The following NT5DC1 variants were observed in gnomAD, a reference collection of about 807,000 sequenced individuals.
NT5DC1 encodes the protein 5'-nucleotidase domain-containing protein 1.
Under a neutral mutation model 59.4 loss-of-function variants are expected in NT5DC1, and 42 were observed. The observed-to-expected ratio is 0.71, with a 90% CI of 0.55 to 0.92. The LOEUF (loss-of-function observed/expected upper bound fraction) is 0.92. NT5DC1 is among the 40% of genes least tolerant of loss of function. NT5DC1 has a pLI of 0.00. For missense variants in NT5DC1, 501 were observed against 537.1 expected (o/e 0.93, Z 0.66); for synonymous variants, 172 against 188.1 (o/e 0.91, Z 0.70).
Position 116,178,052 on chromosome 6 carries a change from AGTGTGTGT to A in NT5DC1, c.530-42972_530-42965del, listed in dbSNP as rs61085607. Among the ~76,000 whole-genome samples the A allele has an allele frequency of 8.2e-3, 1,114 of 136,410 alleles. 11 individuals are homozygous for A. Among genetic ancestry groups the A allele is most frequent in the Admixed American group, 0.015 (205 of 13,898 alleles). The allele number at this position is 136,410 out of a possible 152,430, so 89.5% of individuals were successfully genotyped here. On this transcript the variant is annotated intron_variant, in intron 6 of 11. Transcript: ENST00000319550. ...GCTTTCATAACTTTACAAAGAGGAAAGTGTGTGTGTGTGTGTGTGTGTGTGTGTGTGTG... is the reference window on the plus strand; with the variant it reads ...GCTTTCATAACTTTACAAAGAGGAAAGTGTGTGTGTGTGTGTGTGTGTGTG...
intron 6 of NT5DC1, among the ~76,000 whole-genome samples, chr6:116,165,076 G>A (rs1360391158): frequency 3.0e-5 from 4 of 134,022 alleles, no homozygotes; most frequent in Admixed American, 8.2e-5. Context: ...CAGTCTAGGC[G>A]ACAGAGCGAG....
intron 6 of NT5DC1, chr6:116,119,902 G>C (rs902852448): frequency 1.5e-6 from 1 of 649,710 alleles, no homozygotes; most frequent in Non-Finnish European, 2.7e-6. Context: ...ACGTTTTTAC[G>C]TTGCTGCTCA....
intron 6 of NT5DC1, among the ~76,000 whole-genome samples, chr6:116,181,083 A>AC (rs1780862076): frequency 6.6e-6 from 1 of 152,052 alleles, no homozygotes; most frequent in African/African-American, 2.4e-5. Context: ...AGACAACCTA[A>AC]CAGAGGTACA....
intron 6 of NT5DC1, among the ~76,000 whole-genome samples, chr6:116,171,277 A>G (rs1780600882): frequency 6.6e-6 from 1 of 152,232 alleles, no homozygotes; most frequent in Non-Finnish European, 1.5e-5. Flanking sequence ...TACGAAGAAT[A>G]CACATTATAA....
intron 6 of NT5DC1, among the ~76,000 whole-genome samples, chr6:116,147,964 G>A (rs1267592838): frequency 6.6e-6 from 1 of 150,712 alleles, no homozygotes; most frequent in African/African-American, 2.4e-5. Context: ...CCAGCCTGGC[G>A]ACAGAGCGAG....
intron 3 of NT5DC1, among the ~76,000 whole-genome samples, chr6:116,110,016 A>G (rs1160266471): frequency 6.6e-6 from 1 of 152,166 alleles, no homozygotes; most frequent in Admixed American, 6.5e-5. Context: ...GTCTTTTCCA[A>G]TGATAAGGTT....
chr6:116,140,995 A>G (rs533097250), intron 6 of NT5DC1, among the ~76,000 whole-genome samples: 307 of 152,244 alleles, frequency 2.0e-3, no homozygotes, highest in African/African-American at 7.0e-3. Context: ...TATATTAACT[A>G]TGTATATTTT....
At chr6:116,238,890 C>A in intron 10 of NT5DC1, 65 bp from the exon 11 acceptor site, 1 of 1,058,720 alleles carries the variant, frequency 9.4e-7, no homozygotes, top group Non-Finnish European at 1.4e-6. Flanking sequence ...ACTTAATAGA[C>A]AAAAAAATTA....
intron 6 of NT5DC1, chr6:116,118,215 T>A (rs1333625253): frequency 2.4e-6 from 1 of 422,992 alleles, no homozygotes; most frequent in African/African-American, 2.1e-5. Flanking sequence ...TTCCCTAGAA[T>A]TGAAGTCCAG....
intron 8 of NT5DC1, among the ~76,000 whole-genome samples, chr6:116,227,974 T>C (rs1184478803): frequency 6.6e-6 from 1 of 152,242 alleles, no homozygotes; most frequent in African/African-American, 2.4e-5. Context: ...TAATCTCATT[T>C]ATCTATTTTT....
At chr6:116,223,187 G>T in intron 8 of NT5DC1, 56 bp downstream of exon 8, 1 of 871,236 alleles carries the variant, frequency 1.1e-6, no homozygotes, top group Non-Finnish European at 1.9e-6. Context: ...ACAACCTTGT[G>T]CAGAACACTG....
At chr6:116,127,821 G>C (rs1779360349) in intron 6 of NT5DC1, among the ~76,000 whole-genome samples, 1 of 152,150 alleles carries the variant, frequency 6.6e-6, no homozygotes, top group African/African-American at 2.4e-5. Context: ...ACGTTCAGAA[G>C]ACTAATTCTC....
chr6:116,230,444 A>C (rs1412649485), intron 8 of NT5DC1, among the ~76,000 whole-genome samples: 1 of 152,194 alleles, frequency 6.6e-6, no homozygotes, highest in African/African-American at 2.4e-5. Context: ...TGTTCTCGCT[A>C]TTCTGTCAAC....
chr6:116,148,258 G>C (rs1167310373), intron 6 of NT5DC1, among the ~76,000 whole-genome samples: 1 of 152,118 alleles, frequency 6.6e-6, no homozygotes, highest in Non-Finnish European at 1.5e-5. Flanking sequence ...TTGTATGCCA[G>C]CCTTTACATT....
rs751232489 is a variant in NT5DC1, at chr6:116,238,232, C to T, written c.967C>T (p.Arg323Cys). 11 of 1,611,524 alleles carry T rather than the reference C, an allele frequency of 6.8e-6. No individual in the cohort carries two copies. The East Asian group carries it at 1.3e-4, about 20-fold the overall frequency. ...DSMHSDIFPA[R>C]HYSNWETVLI... ...CATGCATTCAGATATTTTCCCAGCT[C>T]GTCACTATAGTAATTGGGAGACAGT... The change falls in exon 10 of 12, where the codon CGT becomes TGT. Residue 323 changes from arginine (R) to cysteine (C), a missense_variant. Physicochemically the swap from Arg to Cys is radical, Grantham distance 180 (BLOSUM62 -3). Transcript: ENST00000319550.
At chr6:116,169,888 G>A (rs1780566852) in intron 6 of NT5DC1, among the ~76,000 whole-genome samples, 1 of 152,186 alleles carries the variant, frequency 6.6e-6, no homozygotes, top group African/African-American at 2.4e-5. Context: ...ATAGTTCTTA[G>A]GGCAGAAGAG....
chr6:116,200,192 T>C (rs953163663), intron 6 of NT5DC1, among the ~76,000 whole-genome samples: 3 of 151,924 alleles, frequency 2.0e-5, no homozygotes, highest in African/African-American at 4.8e-5. Flanking sequence ...CAAATCCCAA[T>C]TGAAGGACAT....
chr6:116,101,556 A>C (rs762260053), intron 1 of NT5DC1, among the ~76,000 whole-genome samples: 2 of 152,222 alleles, frequency 1.3e-5, no homozygotes, highest in Non-Finnish European at 2.9e-5. Context: ...AAGGAACACT[A>C]GTTGAAAAGT....
chr6:116,219,325 G>A (rs1781747069), intron 6 of NT5DC1, among the ~76,000 whole-genome samples: 1 of 152,182 alleles, frequency 6.6e-6, no homozygotes, highest in South Asian at 2.1e-4. Context: ...TCCAGTAGTA[G>A]AAGAGGGGAT....
Sources: gnomAD v4.1 joint callset for allele counts (sites outside exome capture counted in the v4.1 genomes callset) on GRCh38, gnomAD v4.1.1 for gene constraint, MANE v1.5 for transcripts, NCBI Gene and HGNC (gene_info 2026-07-23, HGNC 2026-07-21) for gene names.